The following ZNRF3 variants were observed in gnomAD, a reference collection of about 807,000 sequenced individuals.
The protein encoded by ZNRF3 is E3 ubiquitin-protein ligase ZNRF3.
ZNRF3 carries 23 observed loss-of-function variants against 72.5 expected under a neutral mutation model. The observed-to-expected ratio is 0.32, with a 90% CI of 0.23 to 0.45. ZNRF3 has a LOEUF of 0.45. Ranked by LOEUF, ZNRF3 falls within the 20% of genes least tolerant of loss-of-function variation. ZNRF3 has a pLI of 1.00. For missense variants in ZNRF3, 1,169 were observed against 1,272.1 expected (o/e 0.92, Z 1.23); for synonymous variants, 610 against 545.3 (o/e 1.12, Z -1.65).
At chr22:28,953,679 C>T (rs9625657) in intron 1 of ZNRF3, among the ~76,000 whole-genome samples, 4,716 of 152,340 alleles carry the variant, frequency 0.031, 124 homozygotes, top group South Asian at 0.06. Context: ...GGATATTTCT[C>T]TAAGGCCAGT....
intron 1 of ZNRF3, among the ~76,000 whole-genome samples, chr22:28,922,143 T>A (rs920160509): frequency 9.9e-5 from 15 of 152,230 alleles, no homozygotes; most frequent in African/African-American, 3.4e-4. Flanking sequence ...GAATTTCCAC[T>A]TGTGGTGTCA....
rs1172412381 is a variant in ZNRF3 at position 29,041,148 on chromosome 22, G to GTATGTATA, written c.427-1343_427-1336dup. Among the ~76,000 whole-genome samples, 19 of 152,238 alleles carry GTATGTATA rather than the reference G, an allele frequency of 1.2e-4. No individual in the cohort carries two copies. The East Asian group carries it at 3.1e-3, about 25-fold the overall frequency. ...AAAGCCAGGACATGCATGTATGTAT[G>GTATGTATA]TATGTATATATTTTGTGGAGACAGG... On this transcript the variant is annotated intron_variant, in intron 2 of 8. Coordinates refer to ENST00000544604, the MANE Select transcript of ZNRF3 (RefSeq NM_001206998.2).
At chr22:28,966,374 G>A (rs1427412834) in intron 1 of ZNRF3, among the ~76,000 whole-genome samples, 1 of 152,142 alleles carries the variant, frequency 6.6e-6, no homozygotes, top group Non-Finnish European at 1.5e-5. Context: ...AGTATTTACT[G>A]TATTTTTTAT....
intron 1 of ZNRF3, among the ~76,000 whole-genome samples, chr22:28,924,273 G>A (rs57188271): frequency 0.018 from 2,740 of 152,288 alleles, 91 homozygotes; most frequent in African/African-American, 0.063. Context: ...ATTTTCAGGC[G>A]GGCTTGTAGA....
Position 29,049,363 on chromosome 22 carries a change from C to A in ZNRF3, c.1182C>A (p.Val394=). The part of the protein sequence containing the change: ...RTSMDSHGNP[V]TLLTMDRHGE... ...GCATGGACTCCCACGGCAACCCCGT[C>A]ACCTTGCTGACCATGGACCGGCACG... Residue 394 remains valine (V), a synonymous_variant, in exon 8 of 9, where the codon GTC becomes GTA. Transcript: ENST00000544604. The surrounding 1 kb of genome is among the most constrained non-coding windows in gnomAD (Gnocchi z 5.2). 1.2e-6 allele frequency: 2 copies of A among 1,613,538 alleles called. No individual in the cohort carries two copies. Among genetic ancestry groups the A allele is most frequent in the Non-Finnish European group, 1.7e-6 (2 of 1,180,024 alleles).
intron 8 of ZNRF3, among the ~76,000 whole-genome samples, chr22:29,051,385 C>T (rs963597321): frequency 3.9e-5 from 6 of 152,048 alleles, no homozygotes; most frequent in Admixed American, 3.3e-4. Flanking sequence ...GGAGTCGGTT[C>T]ATGACTCCTC....
chr22:28,962,780 G>T (rs2035387958), intron 1 of ZNRF3, among the ~76,000 whole-genome samples: 1 of 152,244 alleles, frequency 6.6e-6, no homozygotes, highest in Non-Finnish European at 1.5e-5. Flanking sequence ...AATGTTCTGT[G>T]TTGTGGTTGC....
intron 2 of ZNRF3, among the ~76,000 whole-genome samples, chr22:29,035,356 T>G (rs1201294605): frequency 6.6e-6 from 1 of 152,200 alleles, no homozygotes; most frequent in Non-Finnish European, 1.5e-5. Context: ...CAGCACTGTT[T>G]ATAACAGAGA....
At chr22:28,988,668 T>G (rs41341948) in intron 2 of ZNRF3, among the ~76,000 whole-genome samples, 4,451 of 152,278 alleles carry the variant, frequency 0.029, 145 homozygotes, top group South Asian at 0.096. Flanking sequence ...AATGACCCCC[T>G]TGAGAATATT....
At chr22:29,047,131 C>T (rs969261127) in intron 6 of ZNRF3, among the ~76,000 whole-genome samples, 5 of 152,162 alleles carry the variant, frequency 3.3e-5, no homozygotes, top group Admixed American at 3.3e-4. Context: ...TAGTACCATG[C>T]CTGTAGTCCT....
At chr22:29,013,516 G>A (rs1429605832) in intron 2 of ZNRF3, among the ~76,000 whole-genome samples, 1 of 152,104 alleles carries the variant, frequency 6.6e-6, no homozygotes, top group African/African-American at 2.4e-5. Flanking sequence ...TTATTCCTTG[G>A]CTCCTTGGAA....
chr22:28,986,843 A>G (rs12627758), intron 1 of ZNRF3, among the ~76,000 whole-genome samples: 7,739 of 152,226 alleles, frequency 0.051, 310 homozygotes, highest in East Asian at 0.15. Context: ...CATCACTTAC[A>G]AGGCAGTAAA....
chr22:28,932,383 G>A (rs189052013), intron 1 of ZNRF3, among the ~76,000 whole-genome samples: 24 of 152,244 alleles, frequency 1.6e-4, no homozygotes, highest in Admixed American at 2.6e-4. Flanking sequence ...TCAGTGATCC[G>A]CATGAGTGGA....
intron 1 of ZNRF3, among the ~76,000 whole-genome samples, chr22:28,959,601 T>C (rs1327501418): frequency 6.6e-6 from 1 of 152,118 alleles, no homozygotes; most frequent in Non-Finnish European, 1.5e-5. Context: ...GAATCTTGAG[T>C]TGTGATTTCT....
intron 1 of ZNRF3, among the ~76,000 whole-genome samples, chr22:28,904,217 T>A (rs2034162550): frequency 6.6e-6 from 1 of 152,192 alleles, no homozygotes; most frequent in South Asian, 2.1e-4. Flanking sequence ...AGCTTTGAAG[T>A]CCTAAGGTGC....
intron 2 of ZNRF3, chr22:29,031,171 T>A (rs938155175): frequency 3.3e-5 from 5 of 152,304 alleles, no homozygotes; most frequent in Admixed American, 1.3e-4. Flanking sequence ...AAGTTTGGCT[T>A]AGTAAAATCA....
intron 2 of ZNRF3, among the ~76,000 whole-genome samples, chr22:29,007,356 G>A (rs990769282): frequency 3.3e-5 from 5 of 152,192 alleles, no homozygotes; most frequent in African/African-American, 7.2e-5. Context: ...TCTTGTTCAC[G>A]TCATGCACGG....
chr22:28,964,213 A>T (rs1601607893), intron 1 of ZNRF3, among the ~76,000 whole-genome samples: 2 of 152,272 alleles, frequency 1.3e-5, no homozygotes, highest in South Asian at 4.2e-4. Context: ...ACCTATATTG[A>T]TTGTGTTTCT....
Position 29,050,413 on chromosome 22 carries a change from C to T in ZNRF3, c.2232C>T (p.Gly744=), listed in dbSNP as rs189590137. 1.2e-3 allele frequency: 1,945 copies of T among 1,606,700 alleles called. 11 individuals carry two copies. Among genetic ancestry groups the T allele is most frequent in the South Asian group, 4.5e-3 (409 of 90,830 alleles). ...FLGPHLYEGS[G]PAGGEPQSGS... is the part of the protein sequence containing the mutation. ...GGCCCCACCTCTACGAGGGCTCTGG[C>T]CCGGCGGGTGGGGAGCCCCAGTCAG... Residue 744 remains glycine (G), a synonymous_variant, in exon 8 of 9, where the codon GGC becomes GGT. Coordinates refer to ENST00000544604, the MANE Select transcript of ZNRF3 (RefSeq NM_001206998.2).
Sources: allele counts gnomAD v4.1 joint callset (sites outside exome capture counted in the v4.1 genomes callset), GRCh38; gene constraint gnomAD v4.1.1; non-coding constraint Gnocchi (gnomAD v3.1); transcripts MANE v1.5; gene names NCBI Gene and HGNC (gene_info 2026-07-23, HGNC 2026-07-21).